The following PCCB variants were observed in gnomAD, a reference collection of about 807,000 sequenced individuals.
The protein encoded by PCCB is propionyl-CoA carboxylase beta chain, mitochondrial.
PCCB carries 43 observed loss-of-function variants against 60.7 expected under a neutral mutation model. The ratio of observed to expected loss-of-function variants is 0.71; its 90% confidence interval spans 0.55 to 0.91. The LOEUF is 0.91. Among genes scored for constraint, PCCB ranks in the 40% least tolerant of loss-of-function variants. The pLI is 0.00. For synonymous variants in PCCB, 276 were observed against 255.9 expected, an observed-to-expected ratio of 1.08 and a Z score of -0.75; for missense variants, 766 against 702.8, an observed-to-expected ratio of 1.09 and a Z score of -1.02.
At chr3:136,307,452 A>G (rs913988075) in intron 9 of PCCB, among the ~76,000 whole-genome samples, 2 of 152,172 alleles carry the variant, frequency 1.3e-5, no homozygotes, top group East Asian at 3.8e-4. Context: ...CTCACTGATT[A>G]TTGTTAGCTA....
chr3:136,295,891 A>G (rs1449117112), intron 7 of PCCB, among the ~76,000 whole-genome samples: 1 of 151,458 alleles, frequency 6.6e-6, no homozygotes, highest in Non-Finnish European at 1.5e-5. Context: ...CCATGACATT[A>G]AAGTTTCTTC....
intron 9 of PCCB, among the ~76,000 whole-genome samples, chr3:136,315,962 G>C (rs1934878022): frequency 6.6e-6 from 1 of 152,166 alleles, no homozygotes. Flanking sequence ...GCTCACGCCT[G>C]TAATCACAGC....
chr3:136,330,098 A>C lies in PCCB; in HGVS notation c.*72A>C. The stretch of plus-strand genomic sequence containing the variant: ...TTCACATCCCATTCCTGCCTTTTGC[A>C]ATCATGAAACCTGGGAATCCAAATA... On this transcript the variant is annotated 3_prime_UTR_variant, in exon 15 of 15. Transcript: ENST00000251654. The C allele has an allele frequency of 1.2e-6, 2 of 1,610,368 alleles. No homozygotes were observed. The highest frequency in any genetic ancestry group is 1.7e-6 in the Non-Finnish European group (2 of 1,178,008).
At chr3:136,312,758 CTG>C (rs1280746792) in intron 9 of PCCB, among the ~76,000 whole-genome samples, 3 of 152,130 alleles carry the variant, frequency 2.0e-5, no homozygotes, top group African/African-American at 7.2e-5. Flanking sequence ...ACAAAGCTGA[CTG>C]TGAAAATTTT....
At chr3:136,311,210 A>T (rs1934654718) in intron 9 of PCCB, among the ~76,000 whole-genome samples, 1 of 152,186 alleles carries the variant, frequency 6.6e-6, no homozygotes, top group South Asian at 2.1e-4. Flanking sequence ...TACTTGAGGA[A>T]CAGGATACAA....
chr3:136,316,340 G>A (rs1382377649), intron 9 of PCCB, among the ~76,000 whole-genome samples: 5 of 151,962 alleles, frequency 3.3e-5, no homozygotes, highest in African/African-American at 9.7e-5. Context: ...TTTTGAGATA[G>A]GATCTCCCTC....
chr3:136,318,350 A>C (rs1488963181), intron 10 of PCCB, among the ~76,000 whole-genome samples: 1 of 152,156 alleles, frequency 6.6e-6, no homozygotes, highest in Non-Finnish European at 1.5e-5. Context: ...AGATCACGCC[A>C]CTGCATGACA....
intron 5 of PCCB, among the ~76,000 whole-genome samples, chr3:136,276,313 G>T (rs560422166): frequency 6.6e-6 from 1 of 152,298 alleles, no homozygotes; most frequent in Admixed American, 6.5e-5. Flanking sequence ...ACTCAGTAAG[G>T]CAGAGAGGTT....
At chr3:136,274,634 G>GT (rs888465790) in intron 5 of PCCB, among the ~76,000 whole-genome samples, 1 of 152,180 alleles carries the variant, frequency 6.6e-6, no homozygotes, top group African/African-American at 2.4e-5. Context: ...TTTCCCAGGA[G>GT]TTCTTTGAGC....
intron 9 of PCCB, among the ~76,000 whole-genome samples, chr3:136,311,146 T>C (rs995879847): frequency 3.3e-5 from 5 of 152,150 alleles, no homozygotes; most frequent in African/African-American, 7.2e-5. Context: ...GTAGGTGATA[T>C]AGTATTGTAG....
At chr3:136,263,948 G>T (rs1169133923) in intron 5 of PCCB, among the ~76,000 whole-genome samples, 1 of 151,434 alleles carries the variant, frequency 6.6e-6, no homozygotes, top group Non-Finnish European at 1.5e-5. Context: ...GGAGACAGAG[G>T]TTACAGTGAG....
In PCCB at chr3:136,250,344, G is replaced by T; in HGVS notation, c.-32G>T. The T allele has an allele frequency of 2.7e-6, 4 of 1,484,480 alleles. No homozygotes were observed. The highest frequency in any genetic ancestry group is 1.8e-6 in the Non-Finnish European group (2 of 1,112,510). 92.0% of individuals were successfully genotyped at this position (1,484,480 alleles called of 1,614,324 possible). On this transcript the variant is annotated 5_prime_UTR_variant, in exon 1 of 15. Transcript: ENST00000251654. Reference sequence around the variant, plus strand: ...CGCTTTAGCACATGCGTACTCAGGTGCGCCGGTAGGGGACGCGCCGGCACA... The same window carrying T: ...CGCTTTAGCACATGCGTACTCAGGTTCGCCGGTAGGGGACGCGCCGGCACA...
intron 10 of PCCB, among the ~76,000 whole-genome samples, chr3:136,318,646 TAC>T (rs1935001739): frequency 6.6e-6 from 1 of 152,382 alleles, no homozygotes; most frequent in South Asian, 2.1e-4. Flanking sequence ...AATGGAATCA[TAC>T]AGTGTTTGTC....
At chr3:136,254,518 C>CCTTTTTT (rs1442788791) in intron 1 of PCCB, among the ~76,000 whole-genome samples, 2 of 45,926 alleles carry the variant, frequency 4.4e-5, no homozygotes, top group Admixed American at 3.8e-4. Flanking sequence ...CTGCGGCTAG[C>CCTTTTTT]TTTTTTTTTT....
Position 136,329,912 on chromosome 3 carries a change from G to C in PCCB, c.1506G>C (p.Val502=). 1 of 1,614,104 alleles carries C rather than the reference G, an allele frequency of 6.2e-7. No individual in the cohort carries two copies. The highest frequency in any genetic ancestry group is 8.5e-7 in the Non-Finnish European group (1 of 1,179,978). The change falls in exon 15 of 15, where the codon GTG becomes GTC. Residue 502 remains valine (V), a synonymous_variant. Coordinates refer to ENST00000251654, the MANE Select transcript of PCCB (RefSeq NM_000532.5). The part of the protein sequence containing the change: ...NPFPAAVRGF[V]DDIIQPSSTR... Reference sequence around the variant, plus strand: ...TTTTCTGTGCTTCACCAGGGTTTGTGGATGACATCATCCAACCTTCTTCCA... The same window carrying C: ...TTTTCTGTGCTTCACCAGGGTTTGTCGATGACATCATCCAACCTTCTTCCA...
intron 1 of PCCB, chr3:136,252,245 G>A (rs909574931): frequency 6.6e-6 from 3 of 454,834 alleles, no homozygotes; most frequent in South Asian, 1.6e-5. Context: ...GGAATTAGTG[G>A]GTCAAAGGGT....
intron 6 of PCCB, among the ~76,000 whole-genome samples, chr3:136,286,567 C>CT (rs1222551763): frequency 6.6e-6 from 1 of 152,178 alleles, no homozygotes; most frequent in Non-Finnish European, 1.5e-5. Flanking sequence ...TCGTCTTTTG[C>CT]TATCACATCC....
intron 8 of PCCB, among the ~76,000 whole-genome samples, chr3:136,298,976 G>A (rs1934061990): frequency 6.6e-6 from 1 of 152,158 alleles, no homozygotes; most frequent in African/African-American, 2.4e-5. Flanking sequence ...CACTCCACAA[G>A]GGACATACCC....
rs1057522223 is a variant in PCCB, at chr3:136,256,599, A to G, written c.348A>G (p.Gly116=). Residue 116 remains glycine (G), a synonymous_variant, in exon 3 of 15, where the codon GGA becomes GGG. Coordinates refer to ENST00000251654, the MANE Select transcript of PCCB (RefSeq NM_000532.5). The part of the protein sequence containing the change: ...SVVTGRGRIN[G]RLVYVFSQDF... Reference sequence around the variant, plus strand: ...TCACTGGACGAGGCCGAATCAATGGAAGATTGGTTTATGTCTTCAGTCAGG... The same window carrying G: ...TCACTGGACGAGGCCGAATCAATGGGAGATTGGTTTATGTCTTCAGTCAGG... 5.6e-6 allele frequency: 9 copies of G among 1,612,472 alleles called. No homozygotes were observed. The Admixed American group carries it at 1.0e-4, about 18-fold the overall frequency.
Sources: gnomAD v4.1 joint callset for allele counts (sites outside exome capture counted in the v4.1 genomes callset) on GRCh38, gnomAD v4.1.1 for gene constraint, MANE v1.5 for transcripts, NCBI Gene and HGNC (gene_info 2026-07-23, HGNC 2026-07-21) for gene names.